The following RAP1GAP2 variants were observed in gnomAD, a reference collection of about 807,000 sequenced individuals.
The protein encoded by RAP1GAP2 is rap1 GTPase-activating protein 2.
RAP1GAP2 carries 27 observed loss-of-function variants against 95.0 expected under a neutral mutation model. The ratio of observed to expected loss-of-function variants is 0.28; its 90% CI spans 0.21 to 0.39. The LOEUF (loss-of-function observed/expected upper bound fraction) is 0.39. Among genes scored for constraint, RAP1GAP2 ranks in the 10% least tolerant of loss-of-function variants. The pLI, the probability that RAP1GAP2 is intolerant of heterozygous loss-of-function variation, is 1.00. For missense variants in RAP1GAP2, 771 were observed against 970.0 expected (o/e 0.79, Z 2.72); for synonymous variants, 373 against 380.9 (o/e 0.98, Z 0.24).
At chr17:2,947,871 C>G (rs186619492) in intron 3 of RAP1GAP2, among the ~76,000 whole-genome samples, 4 of 152,144 alleles carry the variant, frequency 2.6e-5, no homozygotes, top group Admixed American at 6.5e-5. Context: ...CCTCTTCATC[C>G]GGATGAGAAA....
chr17:2,810,522 C>CCTTT (rs1567668799), intron 2 of RAP1GAP2, among the ~76,000 whole-genome samples: 6 of 69,430 alleles, frequency 8.6e-5, no homozygotes, highest in African/African-American at 2.3e-4. Flanking sequence ...TCCCCCCACC[C>CCTTT]TTTTTTTTTT....
At chr17:2,813,730 G>T (rs1298793078) in intron 2 of RAP1GAP2, among the ~76,000 whole-genome samples, 1 of 152,124 alleles carries the variant, frequency 6.6e-6, no homozygotes, top group Non-Finnish European at 1.5e-5. Flanking sequence ...GCCCAGGCAG[G>T]TGGATCACCT....
upstream of RAP1GAP2, among the ~76,000 whole-genome samples, chr17:2,794,571 C>T (rs2069016781): frequency 6.6e-6 from 1 of 152,220 alleles, no homozygotes; most frequent in African/African-American, 2.4e-5. Flanking sequence ...CCTCCGGGCT[C>T]CTGCTGGGGA....
intron 1 of RAP1GAP2, among the ~76,000 whole-genome samples, chr17:2,780,271 G>A (rs1447785894): frequency 2.6e-5 from 4 of 152,196 alleles, no homozygotes; most frequent in Admixed American, 2.0e-4. Context: ...GGCTGGTCTC[G>A]AACTCCTGAC....
intron 3 of RAP1GAP2, among the ~76,000 whole-genome samples, chr17:2,951,370 G>A (rs940482125): frequency 1.3e-5 from 2 of 152,160 alleles, no homozygotes; most frequent in East Asian, 1.9e-4. Flanking sequence ...AAAAGCCTTC[G>A]TTGACATTTT....
In RAP1GAP2 at chr17:2,875,593, C is replaced by T. The variant is rs566968269; in HGVS notation, c.81-29691C>T. The stretch of plus-strand genomic sequence containing the variant: ...AGCTCATGGAGCGGGTGAGAGGGAC[C>T]GCTGTTGCTTTTCAGTGCCTCTCTG... On this transcript the variant is annotated intron_variant, in intron 2 of 24. Coordinates refer to ENST00000254695, the MANE Select transcript of RAP1GAP2 (RefSeq NM_015085.5). Among the ~76,000 whole-genome samples the T allele has an allele frequency of 1.4e-4, 22 of 152,246 alleles. No homozygotes were observed. In the South Asian group the frequency reaches 4.1e-3, roughly 29 times the overall value.
intron 5 of RAP1GAP2, 128 bp downstream of exon 5, chr17:2,962,842 C>G (rs193219210): frequency 2.2e-4 from 199 of 905,722 alleles, no homozygotes; most frequent in Middle Eastern, 3.4e-4. Context: ...ACTCGCACCA[C>G]GGGCCGCTTC....
At chr17:2,840,483 A>G (rs907966793) in intron 2 of RAP1GAP2, among the ~76,000 whole-genome samples, 1 of 151,454 alleles carries the variant, frequency 6.6e-6, no homozygotes, top group Non-Finnish European at 1.5e-5. Context: ...ATTTTCTTCC[A>G]TCCGTAGTAT....
intron 17 of RAP1GAP2, among the ~76,000 whole-genome samples, chr17:3,016,006 G>T (rs1362328943): frequency 6.6e-6 from 1 of 152,146 alleles, no homozygotes; most frequent in African/African-American, 2.4e-5. Context: ...CTGGAGTTCT[G>T]AGAGCAGCCT....
At chr17:2,835,769 T>C (rs1024152396) in intron 2 of RAP1GAP2, among the ~76,000 whole-genome samples, 9 of 152,208 alleles carry the variant, frequency 5.9e-5, no homozygotes, top group African/African-American at 1.4e-4. Flanking sequence ...AGTTGTTTAG[T>C]AGAACGTCTC....
At chr17:2,921,649 T>C (rs112838094) in intron 3 of RAP1GAP2, among the ~76,000 whole-genome samples, 5 of 144,408 alleles carry the variant, frequency 3.5e-5, no homozygotes, top group African/African-American at 1.1e-4. Flanking sequence ...AGGGCCGTTA[T>C]GTGTCCTCAG....
chr17:2,919,598 G>C (rs1054899690), intron 3 of RAP1GAP2, among the ~76,000 whole-genome samples: 3 of 152,214 alleles, frequency 2.0e-5, no homozygotes, highest in Non-Finnish European at 4.4e-5. Context: ...CGGGGGAGCA[G>C]CTGCCCTTTC....
rs920535926 is a variant in RAP1GAP2 at position 2,856,581 on chromosome 17, A to G, written c.81-48703A>G. On this transcript the variant is annotated intron_variant, in intron 2 of 24. Coordinates refer to ENST00000254695, the MANE Select transcript of RAP1GAP2 (RefSeq NM_015085.5). Reference sequence around the variant, plus strand: ...CAGTAGCAGTCAAGACCAGCCATGCATGGGCCAAGGGGGCAGCCAGGTGGG... The same window carrying G: ...CAGTAGCAGTCAAGACCAGCCATGCGTGGGCCAAGGGGGCAGCCAGGTGGG... Among the ~76,000 whole-genome samples, 35 of 152,302 alleles carry G rather than the reference A, an allele frequency of 2.3e-4. 1 individual carries two copies. Among genetic ancestry groups the G allele is most frequent in the Admixed American group, 1.7e-3 (26 of 15,298 alleles).
chr17:2,943,139 C>G (rs188264318), intron 3 of RAP1GAP2, among the ~76,000 whole-genome samples: 997 of 152,180 alleles, frequency 6.6e-3, no homozygotes, highest in Non-Finnish European at 0.01. Flanking sequence ...TCTCCTCCCC[C>G]CAAGCCCCTG....
chr17:2,873,506 AAAAAAGC>A (rs2072943642), intron 2 of RAP1GAP2, among the ~76,000 whole-genome samples: 3 of 145,074 alleles, frequency 2.1e-5, no homozygotes, highest in Non-Finnish European at 4.5e-5. Context: ...AAAAAAAAAA[AAAAAAGC>A]AGCAGCAGCT....
At chr17:2,916,267 A>G (rs1487475537) in intron 3 of RAP1GAP2, among the ~76,000 whole-genome samples, 1 of 152,128 alleles carries the variant, frequency 6.6e-6, no homozygotes, top group East Asian at 1.9e-4. Flanking sequence ...AATACGTGCC[A>G]TCCGTGCCGT....
chr17:2,999,640 G>C (rs2046083959), intron 14 of RAP1GAP2, among the ~76,000 whole-genome samples: 1 of 152,096 alleles, frequency 6.6e-6, no homozygotes. Flanking sequence ...AATGTGATGT[G>C]AATCGTCAGA....
intron 2 of RAP1GAP2, among the ~76,000 whole-genome samples, chr17:2,856,023 T>A (rs1188035338): frequency 1.3e-5 from 2 of 152,210 alleles, no homozygotes; most frequent in African/African-American, 2.4e-5. Context: ...GACATGTGTG[T>A]CTAGCAGAAG....
At chr17:2,874,314 A>G (rs1276854063) in intron 2 of RAP1GAP2, among the ~76,000 whole-genome samples, 3 of 152,136 alleles carry the variant, frequency 2.0e-5, no homozygotes, top group Admixed American at 1.3e-4. Context: ...AAAACACTCT[A>G]AACTCCAAGG....
Sources: allele counts gnomAD v4.1 joint callset (sites outside exome capture counted in the v4.1 genomes callset), GRCh38; gene constraint gnomAD v4.1.1; transcripts MANE v1.5; gene names NCBI Gene and HGNC (gene_info 2026-07-23, HGNC 2026-07-21).